TBC1D9: variants seen among roughly 807,000 people sequenced by gnomAD.
TBC1D9 encodes the protein TBC1 domain family member 9.
Under a neutral mutation model 132.0 loss-of-function variants are expected in TBC1D9, and 63 were observed. That is an observed-to-expected ratio of 0.48 (90% CI 0.39 to 0.59). TBC1D9 has a LOEUF of 0.59. Ranked by LOEUF, TBC1D9 falls within the 20% of genes least tolerant of loss-of-function variation. The pLI is 0.00. For synonymous variants in TBC1D9, 610 were observed against 609.9 expected, an observed-to-expected ratio of 1.00 and a Z score of 0.00; for missense variants, 1,261 against 1,592.7, an observed-to-expected ratio of 0.79 and a Z score of 3.54.
chr4:140,707,175 G>A (rs1336286555), intron 1 of TBC1D9, among the ~76,000 whole-genome samples: 3 of 151,762 alleles, frequency 2.0e-5, no homozygotes, highest in African/African-American at 4.8e-5. Context: ...AATGGTACCT[G>A]TTTGTTAGTT....
intron 9 of TBC1D9, among the ~76,000 whole-genome samples, chr4:140,667,296 C>G (rs558464203): frequency 1.3e-5 from 2 of 152,170 alleles, no homozygotes; most frequent in Non-Finnish European, 2.9e-5. Context: ...GGGTCTAACT[C>G]TCAACATTAT....
Position 140,641,100 on chromosome 4 carries a change from AAAAAC to A in TBC1D9, c.2338-1677_2338-1673del, listed in dbSNP as rs1188125567. Among the ~76,000 whole-genome samples, 142 of 109,882 alleles carry A rather than the reference AAAAAC, an allele frequency of 1.3e-3. 2 individuals carry two copies. The highest frequency in any genetic ancestry group is 5.7e-3 in the African/African-American group (124 of 21,936). 72.1% of individuals were successfully genotyped at this position (109,882 alleles called of 152,430 possible). On this transcript the variant is annotated intron_variant, in intron 13 of 20. Transcript: ENST00000442267. ...AATCATAATACTAAGCAAAAAAAAAAAAAACAAAAAAAAACAGAAGCAAAAGAGCA... is the reference window on the plus strand; with the variant it reads ...AATCATAATACTAAGCAAAAAAAAAAAAAAAAAAACAGAAGCAAAAGAGCA...
chr4:140,623,427 A>G (rs1736656224), intron 20 of TBC1D9, among the ~76,000 whole-genome samples: 1 of 152,256 alleles, frequency 6.6e-6, no homozygotes, highest in African/African-American at 2.4e-5. Flanking sequence ...GGAATGAAAA[A>G]GTAAACATCC....
chr4:140,710,074 C>T (rs1048225155), intron 1 of TBC1D9, among the ~76,000 whole-genome samples: 2 of 152,142 alleles, frequency 1.3e-5, no homozygotes, highest in Non-Finnish European at 2.9e-5. Context: ...TTCTTAGAAT[C>T]ATTTATATAG....
chr4:140,751,590 G>T (rs1031874118), intron 1 of TBC1D9, among the ~76,000 whole-genome samples: 4 of 152,078 alleles, frequency 2.6e-5, no homozygotes, highest in African/African-American at 9.7e-5. Context: ...AAAGGAAATG[G>T]TATCTAAACA....
At chr4:140,689,880 C>T (rs1217739093) in intron 2 of TBC1D9, among the ~76,000 whole-genome samples, 1 of 149,534 alleles carries the variant, frequency 6.7e-6, no homozygotes, top group Non-Finnish European at 1.5e-5. Context: ...TCCCCAGTAG[C>T]TGGCATTACT....
intron 1 of TBC1D9, among the ~76,000 whole-genome samples, chr4:140,720,478 C>T (rs1032350921): frequency 6.6e-6 from 1 of 152,182 alleles, no homozygotes. Context: ...TTAATCTGCA[C>T]AAAACCCCAG....
intron 10 of TBC1D9, among the ~76,000 whole-genome samples, chr4:140,660,917 C>CT (rs33928591): frequency 0.39 from 57,376 of 148,944 alleles, 11,612 homozygotes; most frequent in South Asian, 0.5. Flanking sequence ...TTGATTCTTT[C>CT]TTTTTTTTTT....
At chr4:140,656,209 C>A (rs192752666) in intron 13 of TBC1D9, among the ~76,000 whole-genome samples, 1 of 152,150 alleles carries the variant, frequency 6.6e-6, no homozygotes, top group African/African-American at 2.4e-5. Context: ...CCTATAGTCT[C>A]AATGTTTTTA....
intron 4 of TBC1D9, 131 bp from the exon 5 acceptor site, chr4:140,679,334 T>C: frequency 9.6e-7 from 1 of 1,040,146 alleles, no homozygotes; most frequent in Non-Finnish European, 1.4e-6. Flanking sequence ...TTGTTTTGCT[T>C]GTTCATTTTA....
intron 2 of TBC1D9, among the ~76,000 whole-genome samples, chr4:140,694,443 C>T (rs761057483): frequency 6.6e-6 from 1 of 151,876 alleles, no homozygotes; most frequent in Non-Finnish European, 1.5e-5. Flanking sequence ...TGGTGGCGTA[C>T]ACCTGTAGTC....
intron 15 of TBC1D9, 101 bp from the exon 16 acceptor site, chr4:140,634,289 G>A: frequency 1.3e-6 from 2 of 1,501,514 alleles, no homozygotes; most frequent in Non-Finnish European, 1.8e-6. Context: ...GTGAATCTGT[G>A]TGCATCCCCT....
At chr4:140,676,585 G>A (rs1399777286) in intron 6 of TBC1D9, among the ~76,000 whole-genome samples, 4 of 152,172 alleles carry the variant, frequency 2.6e-5, no homozygotes, top group Non-Finnish European at 4.4e-5. Flanking sequence ...CCTGGAGGGT[G>A]GAGGTTGCAG....
chr4:140,654,392 G>A (rs1410775407), intron 13 of TBC1D9, among the ~76,000 whole-genome samples: 1 of 150,068 alleles, frequency 6.7e-6, no homozygotes, highest in Admixed American at 6.8e-5. Context: ...AATGTGAGCT[G>A]GTACTGATAA....
At chr4:140,732,410 C>T (rs1305058089) in intron 1 of TBC1D9, among the ~76,000 whole-genome samples, 1 of 152,184 alleles carries the variant, frequency 6.6e-6, no homozygotes, top group East Asian at 1.9e-4. Flanking sequence ...TCTGCAAATA[C>T]ATTCTGCCTT....
chr4:140,692,219 C>T (rs1040792167), intron 2 of TBC1D9, among the ~76,000 whole-genome samples: 1 of 152,036 alleles, frequency 6.6e-6, no homozygotes, highest in Admixed American at 6.6e-5. Flanking sequence ...GAAAACAAAA[C>T]AAAAACCCAA....
chr4:140,653,136 A>G (rs1737212607), intron 13 of TBC1D9, among the ~76,000 whole-genome samples: 1 of 152,220 alleles, frequency 6.6e-6, no homozygotes, highest in African/African-American at 2.4e-5. Context: ...AATTCCTTTC[A>G]ACAGAGGCTT....
intron 13 of TBC1D9, among the ~76,000 whole-genome samples, chr4:140,654,293 G>A (rs1737231775): frequency 6.6e-6 from 1 of 152,214 alleles, no homozygotes; most frequent in East Asian, 1.9e-4. Context: ...TTTTAGATAG[G>A]GTGGGTAAGT....
chr4:140,735,284 GATCTGGCTC>G (rs1054475228), intron 1 of TBC1D9, among the ~76,000 whole-genome samples: 1 of 152,008 alleles, frequency 6.6e-6, no homozygotes, highest in African/African-American at 2.4e-5. Flanking sequence ...CTAAGACAAA[GATCTGGCTC>G]ATGAATAAGA....
Sources: allele counts gnomAD v4.1 joint callset (sites outside exome capture counted in the v4.1 genomes callset), GRCh38; gene constraint gnomAD v4.1.1; transcripts MANE v1.5; gene names NCBI Gene and HGNC (gene_info 2026-07-23, HGNC 2026-07-21).